The following GPC6 variants were observed in gnomAD, a reference collection of about 807,000 sequenced individuals.
GPC6 encodes glypican-6.
A neutral mutation model predicts 55.2 loss-of-function variants in GPC6; 14 were observed. The observed-to-expected ratio is 0.25, with a 90% CI of 0.17 to 0.40. The LOEUF (loss-of-function observed/expected upper bound fraction) is 0.40, where lower values mean the gene tolerates loss of function less well. Among genes scored for constraint, GPC6 ranks in the 10% least tolerant of loss-of-function variants. GPC6 has a pLI of 1.00. For missense variants in GPC6, 641 were observed against 708.5 expected (o/e 0.90, Z 1.08); for synonymous variants, 278 against 259.6 (o/e 1.07, Z -0.68).
At chr13:94,125,443 A>C (rs1299968302) in intron 4 of GPC6, among the ~76,000 whole-genome samples, 1 of 152,110 alleles carries the variant, frequency 6.6e-6, no homozygotes, top group East Asian at 1.9e-4. Context: ...TGATATGTTC[A>C]GTTCAGTGAG....
At chr13:93,965,546 A>G (rs1880002829) in intron 3 of GPC6, among the ~76,000 whole-genome samples, 1 of 152,154 alleles carries the variant, frequency 6.6e-6, no homozygotes, top group Non-Finnish European at 1.5e-5. Context: ...ATGTGATGCC[A>G]TGGGACTTCT....
At chr13:93,494,896 G>T (rs1478886811) in intron 1 of GPC6, among the ~76,000 whole-genome samples, 3 of 149,000 alleles carry the variant, frequency 2.0e-5, no homozygotes, top group African/African-American at 5.0e-5. Flanking sequence ...GAGATCCGCT[G>T]TTGGTCTGAT....
At position 93,682,617 on chromosome 13, in the gene GPC6, G is replaced by A. The variant is rs527574017; in HGVS notation, c.319+137196G>A. Reference sequence around the variant, plus strand: ...CACATTCAGTTTCTGGTACTAAGTAGTTCCTAATAATTGAAATATTTGCTA... The same window carrying A: ...CACATTCAGTTTCTGGTACTAAGTAATTCCTAATAATTGAAATATTTGCTA... On this transcript the variant is annotated intron_variant, in intron 2 of 8. Coordinates refer to ENST00000377047, the MANE Select transcript of GPC6 (RefSeq NM_005708.5). Among the ~76,000 whole-genome samples, 20 of 152,142 alleles carry A rather than the reference G, an allele frequency of 1.3e-4. 1 individual carries two copies. The highest frequency in any genetic ancestry group is 9.8e-4 in the Admixed American group (15 of 15,272).
chr13:93,263,691 C>T (rs1017199479), intron 1 of GPC6, among the ~76,000 whole-genome samples: 4 of 146,782 alleles, frequency 2.7e-5, no homozygotes, highest in Non-Finnish European at 6.1e-5. Flanking sequence ...TGTTCTCCTG[C>T]GACCACTCTG....
intron 4 of GPC6, among the ~76,000 whole-genome samples, chr13:94,128,171 A>T (rs1248002772): frequency 6.6e-6 from 1 of 152,166 alleles, no homozygotes; most frequent in Non-Finnish European, 1.5e-5. Context: ...TAGACTTTTG[A>T]TGAAAATTTA....
intron 4 of GPC6, among the ~76,000 whole-genome samples, chr13:94,266,635 T>C (rs1331048809): frequency 6.7e-6 from 1 of 150,222 alleles, no homozygotes; most frequent in Non-Finnish European, 1.5e-5. Flanking sequence ...CCCCTTTCCC[T>C]GCCCGGACTG....
At position 94,404,232 on chromosome 13, in the gene GPC6, G is replaced by GT. The variant is rs1363059077; in HGVS notation, c.*1016dup. 6.6e-6 allele frequency: 1 copy of GT among 151,432 alleles called. No homozygotes were observed. Among genetic ancestry groups the GT allele is most frequent in the Admixed American group, 6.6e-5 (1 of 15,204 alleles). The allele number at this position is 151,432 out of a possible 1,614,324, so 9.4% of individuals were successfully genotyped here. On this transcript the variant is annotated 3_prime_UTR_variant, in exon 9 of 9. Coordinates refer to ENST00000377047, the MANE Select transcript of GPC6 (RefSeq NM_005708.5). ...GTTTTCATTTTTAACTATTTACTTT[G>GT]TGTCAGTTGGTTTCTGCATCACAAG...
At chr13:93,875,862 A>T (rs972260767) in intron 3 of GPC6, among the ~76,000 whole-genome samples, 4 of 152,148 alleles carry the variant, frequency 2.6e-5, no homozygotes, top group African/African-American at 9.6e-5. Context: ...CCAGACAGAG[A>T]TTCCATGGCA....
At chr13:93,957,318 A>G (rs1879553449) in intron 3 of GPC6, among the ~76,000 whole-genome samples, 1 of 152,126 alleles carries the variant, frequency 6.6e-6, no homozygotes, top group African/African-American at 2.4e-5. Context: ...TGGGTGTATT[A>G]TATGCAGTTC....
chr13:94,048,893 G>T (rs1883832359), intron 4 of GPC6, among the ~76,000 whole-genome samples: 1 of 151,924 alleles, frequency 6.6e-6, no homozygotes, highest in African/African-American at 2.4e-5. Context: ...CTTCTGGATG[G>T]CATTTCCTCC....
chr13:93,948,512 T>C (rs561965435), intron 3 of GPC6, among the ~76,000 whole-genome samples: 169 of 152,318 alleles, frequency 1.1e-3, no homozygotes, highest in African/African-American at 3.9e-3. Context: ...TTTTCTTAAA[T>C]TATTAATAGA....
intron 2 of GPC6, among the ~76,000 whole-genome samples, chr13:93,629,579 A>G (rs1879347472): frequency 6.6e-6 from 1 of 152,186 alleles, no homozygotes; most frequent in South Asian, 2.1e-4. Context: ...AACTTAAAAC[A>G]TTACATACTC....
chr13:94,035,139 GTTTAA>G (rs1213754688), intron 4 of GPC6, among the ~76,000 whole-genome samples: 1 of 151,854 alleles, frequency 6.6e-6, no homozygotes, highest in Non-Finnish European at 1.5e-5. Context: ...TCTATAGGTA[GTTTAA>G]TTTATTTATA....
chr13:94,027,645 G>A, intron 3 of GPC6, 84 bp from the exon 4 acceptor site: 1 of 1,174,930 alleles, frequency 8.5e-7, no homozygotes, highest in South Asian at 1.2e-5. Flanking sequence ...TCTGCTTGTG[G>A]TTTATCACTG....
At chr13:93,831,108 AG>A (rs1415424484) in intron 3 of GPC6, among the ~76,000 whole-genome samples, 1 of 152,226 alleles carries the variant, frequency 6.6e-6, no homozygotes, top group African/African-American at 2.4e-5. Flanking sequence ...ATGAGTACCA[AG>A]TATAGATTCT....
intron 2 of GPC6, among the ~76,000 whole-genome samples, chr13:93,790,237 G>A (rs928018582): frequency 1.3e-5 from 2 of 152,060 alleles, no homozygotes; most frequent in African/African-American, 2.4e-5. Flanking sequence ...AAAACAATAG[G>A]TGAGTGCCAT....
intron 4 of GPC6, among the ~76,000 whole-genome samples, chr13:94,154,760 G>A (rs1887867596): frequency 6.6e-6 from 1 of 152,164 alleles, no homozygotes; most frequent in Non-Finnish European, 1.5e-5. Flanking sequence ...TGCCTTTTAA[G>A]ACGTTCTGTA....
chr13:93,630,433 G>A (rs533302131), intron 2 of GPC6, among the ~76,000 whole-genome samples: 18 of 152,238 alleles, frequency 1.2e-4, no homozygotes, highest in Middle Eastern at 3.4e-3. Flanking sequence ...TCCTTTCATG[G>A]AGGACATTGC....
At chr13:94,000,862 C>A (rs1050642049) in intron 3 of GPC6, among the ~76,000 whole-genome samples, 3 of 152,120 alleles carry the variant, frequency 2.0e-5, no homozygotes, top group Non-Finnish European at 2.9e-5. Context: ...ATCAAGATGC[C>A]AATGAGCTGG....
Sources: gnomAD v4.1 joint callset for allele counts (sites outside exome capture counted in the v4.1 genomes callset) on GRCh38, gnomAD v4.1.1 for gene constraint, MANE v1.5 for transcripts, NCBI Gene and HGNC (gene_info 2026-07-23, HGNC 2026-07-21) for gene names.